TASP1: variants seen among roughly 807,000 people sequenced by gnomAD.
TASP1 encodes threonine aspartase 1.
A neutral mutation model predicts 56.6 loss-of-function variants in TASP1; 16 were observed. The observed-to-expected ratio is 0.28, with a 90% CI of 0.19 to 0.43. The LOEUF (loss-of-function observed/expected upper bound fraction) is 0.43, where lower values mean the gene tolerates loss of function less well. Among genes scored for constraint, TASP1 ranks in the 20% least tolerant of loss-of-function variants. TASP1 has a pLI of 1.00. For synonymous variants in TASP1, 179 were observed against 184.2 expected, an observed-to-expected ratio of 0.97 and a Z score of 0.23; for missense variants, 393 against 511.6, an observed-to-expected ratio of 0.77 and a Z score of 2.24.
chr20:13,370,838 A>G, the TASP1 span, among the ~76,000 whole-genome samples: 1 of 152,168 alleles, frequency 6.6e-6, no homozygotes, highest in East Asian at 1.9e-4. Flanking sequence ...CTACTTTAAT[A>G]TCAGTACTTG....
chr20:13,412,747 G>A (rs1478953166), intron 13 of TASP1, among the ~76,000 whole-genome samples: 1 of 152,038 alleles, frequency 6.6e-6, no homozygotes, highest in Non-Finnish European at 1.5e-5. Context: ...AACACAGTAG[G>A]TACTATATTG....
At chr20:13,324,440 A>T in the TASP1 span, among the ~76,000 whole-genome samples, 1 of 152,220 alleles carries the variant, frequency 6.6e-6, no homozygotes, top group Non-Finnish European at 1.5e-5. Flanking sequence ...TGCAGAAAAG[A>T]GGATCTTGTC....
chr20:13,394,869 C>A (rs2041464917), intron 13 of TASP1, among the ~76,000 whole-genome samples: 1 of 151,956 alleles, frequency 6.6e-6, no homozygotes, highest in African/African-American at 2.4e-5. Context: ...CTGTTCAAAG[C>A]CAATATTAGG....
chr20:13,371,655 T>C, the TASP1 span, among the ~76,000 whole-genome samples: 3 of 152,194 alleles, frequency 2.0e-5, no homozygotes, highest in Admixed American at 2.0e-4. Context: ...TTGATGTCTA[T>C]TAGGTCTGCT....
At chr20:13,325,598 C>A in the TASP1 span, among the ~76,000 whole-genome samples, 1 of 152,192 alleles carries the variant, frequency 6.6e-6, no homozygotes, top group Non-Finnish European at 1.5e-5. Context: ...TAGACAAAAA[C>A]CCTGTGTTCC....
the TASP1 span, chr20:13,270,611 C>A: frequency 6.2e-7 from 1 of 1,614,036 alleles, no homozygotes; most frequent in Non-Finnish European, 8.5e-7. Flanking sequence ...AACCCTTCCC[C>A]AGACCGCGAT....
the TASP1 span, among the ~76,000 whole-genome samples, chr20:13,178,218 C>T: frequency 6.6e-6 from 1 of 152,034 alleles, no homozygotes; most frequent in Non-Finnish European, 1.5e-5. Flanking sequence ...TATCTCACCC[C>T]AGTTAAGATG....
intron 4 of TASP1, among the ~76,000 whole-genome samples, chr20:13,615,502 G>GTTT (rs756677945): frequency 8.3e-5 from 11 of 132,222 alleles, no homozygotes; most frequent in African/African-American, 8.2e-5. Flanking sequence ...TGAGAATCTG[G>GTTT]TTTTTTTTTT....
chr20:13,572,126 C>T (rs1424224495), intron 6 of TASP1, among the ~76,000 whole-genome samples: 1 of 152,104 alleles, frequency 6.6e-6, no homozygotes, highest in African/African-American at 2.4e-5. Flanking sequence ...GTATAAAGTC[C>T]TTAAAAGCTT....
chr20:13,121,630 C>A, the TASP1 span, among the ~76,000 whole-genome samples: 1 of 152,122 alleles, frequency 6.6e-6, no homozygotes, highest in Non-Finnish European at 1.5e-5. Flanking sequence ...TGCAAAAGAC[C>A]AAAGCCACCT....
chr20:13,262,355 C>T, the TASP1 span, among the ~76,000 whole-genome samples: 1 of 152,160 alleles, frequency 6.6e-6, no homozygotes, highest in Non-Finnish European at 1.5e-5. Flanking sequence ...GATGGCTGGC[C>T]TCACACCACA....
chr20:13,176,072 C>T, the TASP1 span, among the ~76,000 whole-genome samples: 1 of 151,992 alleles, frequency 6.6e-6, no homozygotes, highest in Non-Finnish European at 1.5e-5. Flanking sequence ...CTTAGACTCA[C>T]CTTAAGAGAA....
At chr20:13,579,428 G>A (rs2047038997) in intron 6 of TASP1, among the ~76,000 whole-genome samples, 1 of 151,960 alleles carries the variant, frequency 6.6e-6, no homozygotes, top group Non-Finnish European at 1.5e-5. Context: ...GAGTGAAGTG[G>A]CGCGATCTCA....
the TASP1 span, among the ~76,000 whole-genome samples, chr20:13,264,719 T>G: frequency 6.6e-6 from 1 of 152,190 alleles, no homozygotes. Flanking sequence ...GATTGGACAT[T>G]CTTGGTGTTG....
At chr20:13,461,142 G>A (rs909449795) in intron 11 of TASP1, among the ~76,000 whole-genome samples, 6 of 152,036 alleles carry the variant, frequency 3.9e-5, no homozygotes, top group Admixed American at 1.3e-4. Flanking sequence ...TGTCTGGTAC[G>A]TTCTTCCCTC....
chr20:13,141,165 T>C, the TASP1 span, among the ~76,000 whole-genome samples: 20 of 152,386 alleles, frequency 1.3e-4, no homozygotes, highest in Non-Finnish European at 2.5e-4. Context: ...TCTTTCCTAC[T>C]GTTTATTTTT....
chr20:13,383,153 T>G, the TASP1 span, among the ~76,000 whole-genome samples: 1 of 152,216 alleles, frequency 6.6e-6, no homozygotes, highest in African/African-American at 2.4e-5. Flanking sequence ...TTGTAGGAAC[T>G]CTGGGACAAG....
At chr20:13,506,915 C>T (rs561624831) in intron 10 of TASP1, among the ~76,000 whole-genome samples, 1 of 149,998 alleles carries the variant, frequency 6.7e-6, no homozygotes, top group Non-Finnish European at 1.5e-5. Context: ...AATTTTGGTA[C>T]ATTGTGTTTC....
At chr20:13,613,231 C>G (rs954255859) in intron 4 of TASP1, among the ~76,000 whole-genome samples, 5 of 152,226 alleles carry the variant, frequency 3.3e-5, no homozygotes, top group East Asian at 1.9e-4. Context: ...TTCATAACTG[C>G]AGCTAATTGG....
Sources: gnomAD v4.1 joint callset for allele counts (sites outside exome capture counted in the v4.1 genomes callset) on GRCh38, gnomAD v4.1.1 for gene constraint, MANE v1.5 for transcripts, NCBI Gene and HGNC (gene_info 2026-07-23, HGNC 2026-07-21) for gene names.